Variants in KSR2 observed in about 807,000 individuals in gnomAD.
KSR2 encodes the protein kinase suppressor of ras 2.
KSR2 carries 25 observed loss-of-function variants against 107.8 expected under a neutral mutation model. The ratio of observed to expected loss-of-function variants is 0.23; its 90% CI spans 0.17 to 0.32. The LOEUF (loss-of-function observed/expected upper bound fraction) is 0.32. Among genes scored for constraint, KSR2 ranks in the 10% least tolerant of loss-of-function variants. The pLI, the probability that KSR2 is intolerant of heterozygous loss-of-function variation, is 1.00. For synonymous variants in KSR2, 480 were observed against 507.0 expected, an observed-to-expected ratio of 0.95 and a Z score of 0.71; for missense variants, 887 against 1,268.9, an observed-to-expected ratio of 0.70 and a Z score of 4.57.
At chr12:117,768,607 G>A (rs1366555202) in intron 3 of KSR2, among the ~76,000 whole-genome samples, 2 of 152,188 alleles carry the variant, frequency 1.3e-5, no homozygotes, top group Non-Finnish European at 2.9e-5. Context: ...ACAGGGCCCG[G>A]CAGCAGCAGG....
intron 1 of KSR2, among the ~76,000 whole-genome samples, chr12:117,888,535 T>G (rs1318586234): frequency 6.6e-6 from 1 of 152,178 alleles, no homozygotes; most frequent in Non-Finnish European, 1.5e-5. Context: ...TAGCTTTAGA[T>G]GAAGACCTGA....
At chr12:117,651,780 A>AC (rs1470438085) in intron 5 of KSR2, among the ~76,000 whole-genome samples, 3 of 152,132 alleles carry the variant, frequency 2.0e-5, no homozygotes, top group Non-Finnish European at 4.4e-5. Context: ...CAGAAGATAT[A>AC]CCCTTGACCA....
chr12:117,482,320 G>C (rs903529629), intron 16 of KSR2, among the ~76,000 whole-genome samples: 2 of 152,116 alleles, frequency 1.3e-5, no homozygotes, highest in Admixed American at 6.6e-5. Flanking sequence ...TGCACCTACA[G>C]GACAAACCGA....
chr12:117,674,940 C>T (rs1340566040), intron 4 of KSR2, among the ~76,000 whole-genome samples: 1 of 152,092 alleles, frequency 6.6e-6, no homozygotes, highest in Non-Finnish European at 1.5e-5. Flanking sequence ...GGTCCTTGAC[C>T]ACACTAAATT....
At chr12:117,623,415 T>TTCCC (rs1882299552) in intron 5 of KSR2, among the ~76,000 whole-genome samples, 1 of 152,174 alleles carries the variant, frequency 6.6e-6, no homozygotes, top group South Asian at 2.1e-4. Context: ...GTGTGTGATG[T>TTCCC]TCCCTCCCTG....
chr12:117,554,907 C>T (rs1877550338), intron 9 of KSR2, among the ~76,000 whole-genome samples: 1 of 152,206 alleles, frequency 6.6e-6, no homozygotes, highest in African/African-American at 2.4e-5. Context: ...TCTCTCCTCC[C>T]ATCCGTTGTG....
chr12:117,722,044 ATT>A (rs142350090), intron 4 of KSR2, among the ~76,000 whole-genome samples: 1 of 151,468 alleles, frequency 6.6e-6, no homozygotes, highest in African/African-American at 2.4e-5. Context: ...ATTTAATTTT[ATT>A]TTTTTTTAAC....
intron 14 of KSR2, among the ~76,000 whole-genome samples, chr12:117,503,975 C>A (rs1371907347): frequency 1.3e-5 from 2 of 152,290 alleles, no homozygotes; most frequent in East Asian, 1.9e-4. Context: ...CAAATGCCCA[C>A]AAACACTTAC....
chr12:117,965,351 T>A (rs528704384), intron 1 of KSR2, among the ~76,000 whole-genome samples: 1 of 152,338 alleles, frequency 6.6e-6, no homozygotes, highest in African/African-American at 2.4e-5. Context: ...GAGAAACCAT[T>A]ATTTGCCTTA....
At chr12:117,644,616 C>T (rs561672217) in intron 5 of KSR2, among the ~76,000 whole-genome samples, 13 of 152,250 alleles carry the variant, frequency 8.5e-5, no homozygotes, top group African/African-American at 2.9e-4. Flanking sequence ...AGGTTGGAAA[C>T]CACTAGGCAA....
chr12:117,564,676 C>T (rs778614269), intron 7 of KSR2, among the ~76,000 whole-genome samples: 6 of 152,106 alleles, frequency 3.9e-5, no homozygotes, highest in Non-Finnish European at 7.4e-5. Context: ...ATCTTGAGGG[C>T]AGAATCTAGG....
At chr12:117,830,837 A>G (rs1266943182) in intron 3 of KSR2, among the ~76,000 whole-genome samples, 1 of 152,234 alleles carries the variant, frequency 6.6e-6, no homozygotes, top group Non-Finnish European at 1.5e-5. Context: ...TCTTACTAAT[A>G]CTGTCATTTC....
intron 5 of KSR2, among the ~76,000 whole-genome samples, chr12:117,612,432 A>G (rs1386580587): frequency 6.6e-6 from 1 of 152,000 alleles, no homozygotes; most frequent in Non-Finnish European, 1.5e-5. Context: ...ATCTTATGTT[A>G]TGTATATTTC....
intron 14 of KSR2, among the ~76,000 whole-genome samples, chr12:117,499,170 C>T (rs1873217528): frequency 1.3e-5 from 2 of 152,242 alleles, no homozygotes; most frequent in South Asian, 2.1e-4. Flanking sequence ...ACCAGAACCA[C>T]ACTTATTTTT....
chr12:117,566,773 G>T (rs1295568258), intron 7 of KSR2, among the ~76,000 whole-genome samples: 1 of 152,142 alleles, frequency 6.6e-6, no homozygotes, highest in Non-Finnish European at 1.5e-5. Flanking sequence ...AATAAGACAA[G>T]AATTCTTTCT....
At chr12:117,529,713 A>T (rs1054485571) in intron 12 of KSR2, among the ~76,000 whole-genome samples, 6 of 151,474 alleles carry the variant, frequency 4.0e-5, no homozygotes, top group Middle Eastern at 3.2e-3. Flanking sequence ...CCCATTAAAA[A>T]CAATATCAGA....
chr12:117,601,454 A>C (rs1191739882), intron 5 of KSR2, among the ~76,000 whole-genome samples: 1 of 152,190 alleles, frequency 6.6e-6, no homozygotes, highest in African/African-American at 2.4e-5. Flanking sequence ...CCCTAATCCA[A>C]GACTTCTCAG....
chr12:117,589,231 C>T (rs1265202277), intron 5 of KSR2, among the ~76,000 whole-genome samples: 2 of 152,060 alleles, frequency 1.3e-5, no homozygotes, highest in East Asian at 3.8e-4. Context: ...ATCGCTAAAC[C>T]CTGTTGGATA....
intron 3 of KSR2, among the ~76,000 whole-genome samples, chr12:117,815,161 C>T (rs1214111600): frequency 6.6e-6 from 1 of 152,120 alleles, no homozygotes; most frequent in Admixed American, 6.5e-5. Flanking sequence ...GCCCTTTGAC[C>T]CAGCAATTAC....
Sources: gnomAD v4.1 joint callset for allele counts (sites outside exome capture counted in the v4.1 genomes callset) on GRCh38, gnomAD v4.1.1 for gene constraint, MANE v1.5 for transcripts, NCBI Gene and HGNC (gene_info 2026-07-23, HGNC 2026-07-21) for gene names.